The following JPH3 variants were observed in gnomAD, a reference collection of about 807,000 sequenced individuals.
JPH3 encodes the protein junctophilin 3.
Under a neutral mutation model 59.6 loss-of-function variants are expected in JPH3, and 11 were observed. That is an observed-to-expected ratio of 0.18 (90% CI 0.12 to 0.31). The LOEUF (loss-of-function observed/expected upper bound fraction) is 0.31, where lower values mean the gene tolerates loss of function less well. JPH3 is among the 10% of genes least tolerant of loss of function. The pLI is 1.00. For missense variants in JPH3, 1,202 were observed against 1,105.7 expected, an observed-to-expected ratio of 1.09 and a Z score of -1.24; for synonymous variants, 673 against 483.6, an observed-to-expected ratio of 1.39 and a Z score of -5.14.
At chr16:87,655,955 C>G (rs923731096) in intron 2 of JPH3, among the ~76,000 whole-genome samples, 4 of 152,388 alleles carry the variant, frequency 2.6e-5, no homozygotes, top group African/African-American at 4.8e-5. Flanking sequence ...CCCTCCTGGT[C>G]TCTGCATAGA....
intron 4 of JPH3, chr16:87,695,989 C>T (rs2033826734): frequency 2.2e-6 from 1 of 455,924 alleles, no homozygotes; most frequent in African/African-American, 2.0e-5. Context: ...AACCTAAATC[C>T]AAGGCAGCTC....
intron 2 of JPH3, among the ~76,000 whole-genome samples, chr16:87,651,098 G>C (rs563341929): frequency 1.3e-5 from 2 of 152,290 alleles, no homozygotes; most frequent in South Asian, 2.1e-4. Context: ...AAAAATCCTA[G>C]GGCCCATAAG....
In JPH3 at chr16:87,659,391, AAAAAAAAG is replaced by A. The variant is rs1567603527; in HGVS notation, c.1160+14361_1160+14368del. Among the ~76,000 whole-genome samples the A allele has an allele frequency of 1.1e-4, 16 of 146,200 alleles. 1 individual carries two copies. Among genetic ancestry groups the A allele is most frequent in the Admixed American group, 4.8e-4 (7 of 14,608 alleles). ...GACTGTCTCAAAAAAAAAAAAGAAA[AAAAAAAAG>A]AAAACTACACACACATACACACAAC... On this transcript the variant is annotated intron_variant, in intron 2 of 4. Coordinates refer to ENST00000284262, the MANE Select transcript of JPH3 (RefSeq NM_020655.4).
At chr16:87,650,353 C>T (rs2032291304) in intron 2 of JPH3, among the ~76,000 whole-genome samples, 2 of 152,320 alleles carry the variant, frequency 1.3e-5, no homozygotes, top group East Asian at 1.9e-4. Flanking sequence ...CTGACCAATC[C>T]TCCAACCAGC....
chr16:87,644,669 G>A lies in JPH3; in HGVS notation c.794G>A (p.Ser265Asn). Residue 265 changes from serine to asparagine, a missense_variant, in exon 2 of 5, where the codon AGC (serine) becomes AAC (asparagine). By Grantham distance (46) the Ser-to-Asn change is conservative. Transcript: ENST00000284262. ...STASDIHSTI[S>N]LGEAEAELAV... ...GCCAGCGACATCCACTCCACCATCA[G>A]CCTGGGCGAGGCTGAGGCCGAGCTG... 1 of 1,611,848 alleles carries A rather than the reference G, an allele frequency of 6.2e-7. No homozygotes were observed. The highest frequency in any genetic ancestry group is 8.5e-7 in the Non-Finnish European group (1 of 1,179,908).
intron 1 of JPH3, 88 bp downstream of exon 1, chr16:87,603,616 G>A: frequency 6.9e-7 from 1 of 1,444,280 alleles, no homozygotes; most frequent in Non-Finnish European, 9.2e-7. Context: ...AAGTTGAGCT[G>A]CGTCCTCCGG....
intron 2 of JPH3, among the ~76,000 whole-genome samples, chr16:87,682,884 G>A (rs1410702097): frequency 1.3e-5 from 2 of 152,258 alleles, no homozygotes; most frequent in East Asian, 3.8e-4. Context: ...CAAGCCCCAG[G>A]CTGCTGAGAT....
intron 3 of JPH3, among the ~76,000 whole-genome samples, chr16:87,685,745 C>T (rs994217308): frequency 2.0e-5 from 3 of 152,232 alleles, no homozygotes; most frequent in Admixed American, 6.5e-5. Context: ...GCCCTGCCTG[C>T]GACTCACATT....
At chr16:87,687,681 G>A (rs974636446) in intron 3 of JPH3, among the ~76,000 whole-genome samples, 1 of 152,220 alleles carries the variant, frequency 6.6e-6, no homozygotes, top group African/African-American at 2.4e-5. Context: ...TCACCACGAG[G>A]CTTCTAGGAA....
intron 1 of JPH3, among the ~76,000 whole-genome samples, chr16:87,612,145 G>T (rs1468928063): frequency 1.3e-5 from 2 of 152,020 alleles, no homozygotes; most frequent in African/African-American, 4.8e-5. Context: ...TTTTTCAGAC[G>T]GGGGCTGGCT....
chr16:87,650,015 G>C (rs2032280932), intron 2 of JPH3, among the ~76,000 whole-genome samples: 1 of 152,224 alleles, frequency 6.6e-6, no homozygotes, highest in East Asian at 1.9e-4. Context: ...CTGAGAGGAG[G>C]AGAAGGGATT....
intron 1 of JPH3, among the ~76,000 whole-genome samples, chr16:87,605,786 C>T (rs922688713): frequency 2.6e-5 from 4 of 152,208 alleles, no homozygotes; most frequent in Non-Finnish European, 5.9e-5. Flanking sequence ...CCCGATCTGT[C>T]TGGGACCAAA....
At chr16:87,639,997 TC>T (rs1468571090) in intron 1 of JPH3, among the ~76,000 whole-genome samples, 7 of 152,222 alleles carry the variant, frequency 4.6e-5, no homozygotes, top group African/African-American at 1.4e-4. Context: ...GGTGAGCCTC[TC>T]CTCTTTCCAG....
Position 87,603,004 on chromosome 16 carries a change from G to C in JPH3, c.-143G>C. 1.0e-6 allele frequency: 1 copy of C among 961,430 alleles called. No homozygotes were observed. Among genetic ancestry groups the C allele is most frequent in the East Asian group, 2.9e-5 (1 of 34,390 alleles). 59.6% of individuals were successfully genotyped at this position (961,430 alleles called of 1,614,324 possible). ...CGGAGCCGGCGCCGCGGCCGCCCGC[G>C]CCCGAGACCGCGCTCCGGGGCCGCG... On this transcript the variant is annotated 5_prime_UTR_variant, in exon 1 of 5. Coordinates refer to ENST00000284262, the MANE Select transcript of JPH3 (RefSeq NM_020655.4).
chr16:87,669,004 C>T lies in JPH3; in HGVS notation c.1161-15138C>T, dbSNP rs113620086. Among the ~76,000 whole-genome samples the T allele has an allele frequency of 4.3e-3, 660 of 152,194 alleles. 8 individuals are homozygous for T. The highest frequency in any genetic ancestry group is 0.015 in the African/African-American group (611 of 41,522). ...TAATCTTCTCGGAGGTCCTGCGAGGCGAGGCCTGTGGTAGCCCTGCCCTTG... is the reference window on the plus strand; with the variant it reads ...TAATCTTCTCGGAGGTCCTGCGAGGTGAGGCCTGTGGTAGCCCTGCCCTTG... On this transcript the variant is annotated intron_variant, in intron 2 of 4. Coordinates refer to ENST00000284262, the MANE Select transcript of JPH3 (RefSeq NM_020655.4).
At chr16:87,691,521 G>T (rs2033573340) in intron 4 of JPH3, among the ~76,000 whole-genome samples, 1 of 152,172 alleles carries the variant, frequency 6.6e-6, no homozygotes. Flanking sequence ...ACCATTGGTA[G>T]GTTTATTGTC....
intron 3 of JPH3, among the ~76,000 whole-genome samples, chr16:87,684,988 C>T (rs1012713610): frequency 1.1e-4 from 16 of 152,290 alleles, no homozygotes; most frequent in African/African-American, 2.6e-4. Context: ...GGGTTAGGAG[C>T]GCGCCCCCTC....
At chr16:87,625,126 TCTCA>T (rs2031323561) in intron 1 of JPH3, among the ~76,000 whole-genome samples, 1 of 152,086 alleles carries the variant, frequency 6.6e-6, no homozygotes, top group Admixed American at 6.5e-5. Context: ...TAAGACGGAG[TCTCA>T]CTCTGTGAGC....
chr16:87,635,999 C>G (rs937112032), intron 1 of JPH3, among the ~76,000 whole-genome samples: 1 of 152,270 alleles, frequency 6.6e-6, no homozygotes, highest in African/African-American at 2.4e-5. Flanking sequence ...AGGACATTAT[C>G]TAGCTCTGGG....
Sources: gnomAD v4.1 joint callset for allele counts (sites outside exome capture counted in the v4.1 genomes callset) on GRCh38, gnomAD v4.1.1 for gene constraint, MANE v1.5 for transcripts, NCBI Gene and HGNC (gene_info 2026-07-23, HGNC 2026-07-21) for gene names.